LIAT1: variants seen among roughly 807,000 people sequenced by gnomAD.
LIAT1 encodes the protein protein LIAT1.
the LIAT1 span, chr17:410,351 G>T: frequency 0.27 from 400,202 of 1,481,810 alleles, 58,523 homozygotes; most frequent in African/African-American, 0.57. Flanking sequence ...CCATGGAGAC[G>T]CGTGGCCCTG....
the LIAT1 span, chr17:410,632 C>T: frequency 6.5e-7 from 1 of 1,541,368 alleles, no homozygotes. Context: ...ACCAAGGGGT[C>T]TGGCAAGGGG....
At chr17:414,132 C>G in the LIAT1 span, 1 of 1,604,130 alleles carries the variant, frequency 6.2e-7, no homozygotes, top group Non-Finnish European at 8.5e-7. This position sits in a 1 kb window ranked among gnomAD's most constrained non-coding sequence, Gnocchi z 4.1. Flanking sequence ...ACCCACGACG[C>G]TCACAAACTT....
chr17:410,521 GC>G, the LIAT1 span: 1 of 1,545,436 alleles, frequency 6.5e-7, no homozygotes. Flanking sequence ...GAGCGGGAGG[GC>G]GGCGCCGCGG....
chr17:413,153 C>T, the LIAT1 span: 1 of 1,613,868 alleles, frequency 6.2e-7, no homozygotes, highest in South Asian at 1.1e-5. Flanking sequence ...AGCAGATAAA[C>T]ATCAGAGTCA....
chr17:414,143 A>G, the LIAT1 span: 1 of 1,598,564 alleles, frequency 6.3e-7, no homozygotes, highest in African/African-American at 1.3e-5. This position sits in a 1 kb window ranked among gnomAD's most constrained non-coding sequence, Gnocchi z 4.1. Context: ...TCACAAACTT[A>G]TAATTCCTCC....
At chr17:411,018 A>T in the LIAT1 span, among the ~76,000 whole-genome samples, 2 of 151,996 alleles carry the variant, frequency 1.3e-5, no homozygotes, top group East Asian at 3.9e-4. Context: ...CCCACCCCAA[A>T]CACATTGATG....
the LIAT1 span, chr17:410,543 G>A: frequency 2.6e-6 from 4 of 1,546,584 alleles, no homozygotes; most frequent in Non-Finnish European, 3.5e-6. Context: ...GCCCGCGGGG[G>A]TCTAGACTGC....
chr17:411,894 C>T, the LIAT1 span, among the ~76,000 whole-genome samples: 1 of 152,206 alleles, frequency 6.6e-6, no homozygotes, highest in African/African-American at 2.4e-5. Flanking sequence ...TGGGAGAGGG[C>T]TCTAAGCTCC....
At chr17:413,034 TG>T in the LIAT1 span, 2 of 1,252,090 alleles carry the variant, frequency 1.6e-6, no homozygotes, top group Non-Finnish European at 2.2e-6. Flanking sequence ...GCCTGAGCCC[TG>T]GGTACGGAGG....
At chr17:410,359 C>T in the LIAT1 span, 13 of 1,501,130 alleles carry the variant, frequency 8.7e-6, no homozygotes, top group African/African-American at 1.9e-4. Context: ...ACGCGTGGCC[C>T]TGGCCTGGCG....
chr17:413,256 A>G, the LIAT1 span: 1 of 1,614,238 alleles, frequency 6.2e-7, no homozygotes, highest in African/African-American at 1.3e-5. Flanking sequence ...AGACAGAGCA[A>G]AGTGGAAAAG....
chr17:411,615 C>G, the LIAT1 span, among the ~76,000 whole-genome samples: 1 of 152,190 alleles, frequency 6.6e-6, no homozygotes, highest in African/African-American at 2.4e-5. Flanking sequence ...ACTGTTAATA[C>G]GTTATCCATT....
the LIAT1 span, chr17:414,025 G>A: frequency 1.1e-4 from 170 of 1,614,094 alleles, no homozygotes; most frequent in Middle Eastern, 1.6e-4. The surrounding 1 kb of genome is among the most constrained non-coding windows in gnomAD (Gnocchi z 4.1). Flanking sequence ...GGCAGCCCAC[G>A]TCGAAAGCCG....
At chr17:410,389 G>A in the LIAT1 span, 6 of 1,524,678 alleles carry the variant, frequency 3.9e-6, no homozygotes, top group African/African-American at 7.0e-5. Context: ...GAGAGTCGCC[G>A]ATTAGTCGGC....
At chr17:413,169 T>C in the LIAT1 span, 3 of 1,614,134 alleles carry the variant, frequency 1.9e-6, no homozygotes, top group Admixed American at 1.7e-5. Context: ...AGTCAGAGCC[T>C]GAAGAGCCAG....
chr17:410,724 T>C, the LIAT1 span: 2 of 1,371,288 alleles, frequency 1.5e-6, no homozygotes, highest in Non-Finnish European at 2.0e-6. Context: ...CCATTTACCC[T>C]TCAGACCGGA....
the LIAT1 span, chr17:413,924 G>A: frequency 5.0e-6 from 8 of 1,613,822 alleles, no homozygotes; most frequent in African/African-American, 1.3e-5. Flanking sequence ...CGACCCCGAG[G>A]CCCTCAAGGG....
At chr17:414,239 C>T in the LIAT1 span, 15 of 1,219,006 alleles carry the variant, frequency 1.2e-5, no homozygotes, top group East Asian at 1.2e-4. The surrounding 1 kb of genome is among the most constrained non-coding windows in gnomAD (Gnocchi z 4.1). Context: ...GGTACACGGA[C>T]GACGCCGACT....
chr17:414,206 G>A, the LIAT1 span: 224 of 1,430,180 alleles, frequency 1.6e-4, no homozygotes, highest in Non-Finnish European at 2.0e-4. The surrounding 1 kb of genome is among the most constrained non-coding windows in gnomAD (Gnocchi z 4.1). Context: ...AATGAGACCC[G>A]TATCTGAAGG....
Sources: allele counts gnomAD v4.1 joint callset (sites outside exome capture counted in the v4.1 genomes callset), GRCh38; gene constraint gnomAD v4.1.1; non-coding constraint Gnocchi (gnomAD v3.1); transcripts MANE v1.5; gene names NCBI Gene and HGNC (gene_info 2026-07-23, HGNC 2026-07-21).